The following LRRC4C variants were observed in gnomAD, a reference collection of about 807,000 sequenced individuals.
LRRC4C encodes leucine-rich repeat-containing protein 4C.
A neutral mutation model predicts 33.6 loss-of-function variants in LRRC4C; 5 were observed. The observed-to-expected ratio is 0.15, with a 90% CI of 0.08 to 0.31. The LOEUF (loss-of-function observed/expected upper bound fraction) is 0.31. Among genes scored for constraint, LRRC4C ranks in the 10% least tolerant of loss-of-function variants. The probability of loss-of-function intolerance (pLI) is 1.00; values close to 1 mark genes in which losing one functional copy is unlikely to be tolerated. For missense variants in LRRC4C, 560 were observed against 796.7 expected, an observed-to-expected ratio of 0.70 and a Z score of 3.58; for synonymous variants, 329 against 302.0, an observed-to-expected ratio of 1.09 and a Z score of -0.93.
At chr11:40,985,896 G>C (rs1399606008) in intron 1 of LRRC4C, among the ~76,000 whole-genome samples, 2 of 152,064 alleles carry the variant, frequency 1.3e-5, no homozygotes, top group Non-Finnish European at 2.9e-5. Flanking sequence ...GTTGTTAAGA[G>C]TCAAGGGGTA....
At chr11:40,984,595 G>A (rs1852853402) in intron 1 of LRRC4C, among the ~76,000 whole-genome samples, 3 of 152,086 alleles carry the variant, frequency 2.0e-5, no homozygotes, top group African/African-American at 7.2e-5. Context: ...GCCTTCTCAA[G>A]ATCTGGATTA....
At chr11:40,729,549 G>A (rs1326297628) in intron 2 of LRRC4C, among the ~76,000 whole-genome samples, 2 of 152,108 alleles carry the variant, frequency 1.3e-5, no homozygotes, top group Non-Finnish European at 2.9e-5. Context: ...TGATATGGAG[G>A]TAAGATCATT....
chr11:40,509,253 C>A (rs1007810065), intron 3 of LRRC4C, among the ~76,000 whole-genome samples: 3 of 152,020 alleles, frequency 2.0e-5, no homozygotes, highest in Admixed American at 6.6e-5. Context: ...ATAATTTAAG[C>A]AATGCATCTA....
At chr11:40,986,313 G>A (rs1002849096) in intron 1 of LRRC4C, among the ~76,000 whole-genome samples, 1 of 152,082 alleles carries the variant, frequency 6.6e-6, no homozygotes, top group Admixed American at 6.6e-5. Context: ...AAGGATTGGG[G>A]CTGGGTCTGT....
intron 3 of LRRC4C, among the ~76,000 whole-genome samples, chr11:40,616,140 C>G (rs970317235): frequency 2.0e-5 from 3 of 151,920 alleles, no homozygotes; most frequent in Non-Finnish European, 2.9e-5. Flanking sequence ...ATTTATGCAG[C>G]CAAAAGACAC....
At chr11:41,310,354 G>A (rs1411720080) in intron 1 of LRRC4C, among the ~76,000 whole-genome samples, 2 of 152,172 alleles carry the variant, frequency 1.3e-5, no homozygotes, top group South Asian at 2.1e-4. Flanking sequence ...AAATGTCTCC[G>A]ACTCAATGTT....
At chr11:40,466,013 A>G (rs540510035) in intron 3 of LRRC4C, among the ~76,000 whole-genome samples, 1 of 152,202 alleles carries the variant, frequency 6.6e-6, no homozygotes, top group South Asian at 2.1e-4. Context: ...ATATAGAATC[A>G]ACCTAAGTGT....
intron 1 of LRRC4C, among the ~76,000 whole-genome samples, chr11:41,244,347 A>G (rs1948370738): frequency 1.3e-5 from 2 of 152,190 alleles, no homozygotes; most frequent in South Asian, 2.1e-4. Flanking sequence ...GATGCAATAT[A>G]TTTTATGTAA....
chr11:41,037,297 A>C (rs1294322672), intron 1 of LRRC4C, among the ~76,000 whole-genome samples: 2 of 147,724 alleles, frequency 1.4e-5, no homozygotes, highest in Non-Finnish European at 3.0e-5. Context: ...TTTTTTTCTG[A>C]TAATGCCTCA....
At chr11:40,794,373 CA>C (rs57476895) in intron 2 of LRRC4C, among the ~76,000 whole-genome samples, 7,774 of 75,974 alleles carry the variant, frequency 0.1, 112 homozygotes, top group Non-Finnish European at 0.15. Flanking sequence ...TAAACGCCAG[CA>C]AAAAAAAAAA....
At chr11:40,424,657 TGAGA>T (rs889449792) in intron 3 of LRRC4C, among the ~76,000 whole-genome samples, 2 of 152,194 alleles carry the variant, frequency 1.3e-5, no homozygotes, top group Non-Finnish European at 2.9e-5. Context: ...TATGCCATCA[TGAGA>T]AAGAATGAAG....
At chr11:40,927,243 G>A (rs1262366681) in intron 2 of LRRC4C, among the ~76,000 whole-genome samples, 1 of 151,936 alleles carries the variant, frequency 6.6e-6, no homozygotes, top group Non-Finnish European at 1.5e-5. Flanking sequence ...GTGTGGTGGT[G>A]CGCACCTACA....
intron 1 of LRRC4C, among the ~76,000 whole-genome samples, chr11:41,431,279 C>T (rs759449549): frequency 4.6e-5 from 7 of 151,950 alleles, no homozygotes; most frequent in African/African-American, 1.7e-4. Flanking sequence ...CTTGCAGTCA[C>T]AATCTCCAAC....
At chr11:40,962,478 T>C (rs1007339447) in intron 1 of LRRC4C, among the ~76,000 whole-genome samples, 8 of 151,748 alleles carry the variant, frequency 5.3e-5, no homozygotes, top group African/African-American at 1.9e-4. Context: ...GGATTTAGTG[T>C]AACCAGAATA....
At chr11:40,397,003 A>AAAT (rs1231908303) in intron 3 of LRRC4C, among the ~76,000 whole-genome samples, 1 of 152,068 alleles carries the variant, frequency 6.6e-6, no homozygotes, top group African/African-American at 2.4e-5. Flanking sequence ...ATATTAGAAA[A>AAAT]AATATGACTT....
chr11:40,172,404 GT>G (rs1214649080), intron 5 of LRRC4C, among the ~76,000 whole-genome samples: 17 of 152,058 alleles, frequency 1.1e-4, no homozygotes, highest in Non-Finnish European at 1.6e-4. Flanking sequence ...AGCCAGAATG[GT>G]TTTTGAAAAG....
At chr11:40,127,698 A>T (rs1172730288) in intron 6 of LRRC4C, among the ~76,000 whole-genome samples, 1 of 152,190 alleles carries the variant, frequency 6.6e-6, no homozygotes, top group Non-Finnish European at 1.5e-5. Flanking sequence ...AATGGAACCG[A>T]TCTCCAATCT....
intron 1 of LRRC4C, among the ~76,000 whole-genome samples, chr11:41,336,159 C>T (rs1951444547): frequency 6.6e-6 from 1 of 151,780 alleles, no homozygotes; most frequent in African/African-American, 2.4e-5. Context: ...ACATAAAACT[C>T]AGAATTCATT....
intron 4 of LRRC4C, among the ~76,000 whole-genome samples, chr11:40,242,145 T>C (rs1185231048): frequency 6.6e-6 from 1 of 152,200 alleles, no homozygotes; most frequent in East Asian, 1.9e-4. Context: ...TAGCATCTTT[T>C]AATCAGCCGT....
Sources: allele counts gnomAD v4.1 joint callset (sites outside exome capture counted in the v4.1 genomes callset), GRCh38; gene constraint gnomAD v4.1.1; transcripts MANE v1.5; gene names NCBI Gene and HGNC (gene_info 2026-07-23, HGNC 2026-07-21).